The following CDH18 variants were observed in gnomAD, a reference collection of about 807,000 sequenced individuals.
The protein encoded by CDH18 is cadherin-18.
CDH18 carries 31 observed loss-of-function variants against 67.9 expected under a neutral mutation model. That is an observed-to-expected ratio of 0.46 (90% CI 0.34 to 0.62). CDH18 has a LOEUF of 0.62. CDH18 is among the 20% of genes least tolerant of loss of function. The probability of loss-of-function intolerance (pLI) is 0.01; values close to 1 mark genes in which losing one functional copy is unlikely to be tolerated. For synonymous variants in CDH18, 362 were observed against 347.2 expected, an observed-to-expected ratio of 1.04 and a Z score of -0.48; for missense variants, 890 against 975.5, an observed-to-expected ratio of 0.91 and a Z score of 1.17.
At chr5:20,509,516 T>G (rs1054873963) in intron 1 of CDH18, among the ~76,000 whole-genome samples, 4 of 123,330 alleles carry the variant, frequency 3.2e-5, no homozygotes, top group African/African-American at 1.2e-4. Flanking sequence ...TGAGGCAAGA[T>G]TCTCCTGCCT....
At chr5:19,938,341 A>T (rs956198395) in intron 2 of CDH18, among the ~76,000 whole-genome samples, 2 of 151,016 alleles carry the variant, frequency 1.3e-5, no homozygotes, top group Non-Finnish European at 3.0e-5. Context: ...CTGAAACAAC[A>T]AGTTTATTTA....
At chr5:19,495,309 C>G (rs575363264) in intron 11 of CDH18, among the ~76,000 whole-genome samples, 32 of 152,258 alleles carry the variant, frequency 2.1e-4, no homozygotes, top group Admixed American at 1.1e-3. Flanking sequence ...CTCTGAAACT[C>G]CATTTATGTC....
chr5:20,132,755 C>T (rs377728537), intron 2 of CDH18, among the ~76,000 whole-genome samples: 5 of 152,008 alleles, frequency 3.3e-5, no homozygotes, highest in African/African-American at 4.8e-5. Context: ...AAATTCCTCA[C>T]GTTCATCTCT....
At chr5:20,487,714 C>A (rs1163244979) in intron 1 of CDH18, among the ~76,000 whole-genome samples, 1 of 150,888 alleles carries the variant, frequency 6.6e-6, no homozygotes, top group East Asian at 1.9e-4. Context: ...TTAACTGCCA[C>A]AAATTTGTTA....
chr5:19,778,236 A>G (rs1774626027), intron 3 of CDH18, among the ~76,000 whole-genome samples: 1 of 152,196 alleles, frequency 6.6e-6, no homozygotes, highest in Non-Finnish European at 1.5e-5. Flanking sequence ...CATTGAACCT[A>G]CATGATTAAA....
At chr5:20,236,985 T>C (rs1004461591) in intron 2 of CDH18, among the ~76,000 whole-genome samples, 1 of 151,910 alleles carries the variant, frequency 6.6e-6, no homozygotes, top group African/African-American at 2.4e-5. Context: ...GACAGTGCAT[T>C]AAGATAAAGA....
chr5:20,468,866 A>C (rs1403409464), intron 1 of CDH18, among the ~76,000 whole-genome samples: 1 of 152,232 alleles, frequency 6.6e-6, no homozygotes, highest in Non-Finnish European at 1.5e-5. Flanking sequence ...ATAATAACAC[A>C]TATTAGGTAA....
At chr5:20,387,000 T>C (rs1232122613) in intron 1 of CDH18, among the ~76,000 whole-genome samples, 6 of 152,132 alleles carry the variant, frequency 3.9e-5, no homozygotes, top group Non-Finnish European at 7.4e-5. Context: ...AGATACTTAA[T>C]TGGTTTTGCC....
intron 2 of CDH18, among the ~76,000 whole-genome samples, chr5:19,898,735 T>C (rs1789619898): frequency 6.6e-6 from 1 of 152,090 alleles, no homozygotes; most frequent in Admixed American, 6.5e-5. Flanking sequence ...TTTCATGACA[T>C]TGGGCTTGGC....
chr5:19,943,022 A>G (rs1794971593), intron 2 of CDH18, among the ~76,000 whole-genome samples: 1 of 152,032 alleles, frequency 6.6e-6, no homozygotes, highest in Non-Finnish European at 1.5e-5. Flanking sequence ...TGCCTCTTTG[A>G]GCTTAGTTCT....
rs147711371 is a variant in CDH18 at position 19,760,749 on chromosome 5, C to T, written c.229-13513G>A. Among the ~76,000 whole-genome samples the T allele has an allele frequency of 3.6e-4, 55 of 152,206 alleles. No individual in the cohort carries two copies. In the East Asian group the frequency reaches 7.7e-3, roughly 21 times the overall value. ...CTCAACCTCACCTCTAGTGGCCTGC[C>T]GGGACTTTAGTTATAGATTTAGAAG... On this transcript the variant is annotated intron_variant, in intron 3 of 12. Coordinates refer to ENST00000382275, the MANE Select transcript of CDH18 (RefSeq NM_004934.5).
Position 19,721,421 on chromosome 5 carries a change from G to A in CDH18, c.569C>T (p.Thr190Ile), listed in dbSNP as rs752278499. The A allele has an allele frequency of 1.2e-6, 2 of 1,611,416 alleles. No homozygotes were observed. Among genetic ancestry groups the A allele is most frequent in the African/African-American group, 1.3e-5 (1 of 74,872 alleles). Residue 190 changes from threonine to isoleucine, a missense_variant, in exon 5 of 13, where the codon ACC becomes ATC. This residue lies in a region of CDH18 where 234 missense variants were observed against 307.4 expected (regional missense o/e 0.76). Coordinates refer to ENST00000382275, the MANE Select transcript of CDH18 (RefSeq NM_004934.5). ...QVTATDADDP[T>I]YGNSARVVYS... is the part of the protein sequence containing the mutation. ...AACCACCCGAGCGCTGTTTCCATAG[G>A]TAGGGTCATCTGCATCAGTAGCTGT...
At chr5:20,397,340 C>T (rs1480888781) in intron 1 of CDH18, among the ~76,000 whole-genome samples, 2 of 152,012 alleles carry the variant, frequency 1.3e-5, no homozygotes, top group African/African-American at 2.4e-5. Context: ...CCACGCTGGC[C>T]GGGCTGGCCT....
At chr5:19,842,904 A>G (rs1004396686) in intron 2 of CDH18, among the ~76,000 whole-genome samples, 2 of 152,206 alleles carry the variant, frequency 1.3e-5, no homozygotes, top group Non-Finnish European at 2.9e-5. Context: ...GCTATGTTTC[A>G]GCAAAGAGAC....
intron 2 of CDH18, among the ~76,000 whole-genome samples, chr5:20,068,659 C>T (rs1370769416): frequency 2.0e-5 from 3 of 151,720 alleles, no homozygotes; most frequent in Non-Finnish European, 4.4e-5. Context: ...ATAAAGAATA[C>T]CAAAATATTT....
intron 12 of CDH18, among the ~76,000 whole-genome samples, chr5:19,475,275 A>T (rs1237202315): frequency 6.6e-6 from 1 of 151,666 alleles, no homozygotes; most frequent in Non-Finnish European, 1.5e-5. Context: ...AGTTGAAAAT[A>T]TCTTAAATCA....
intron 1 of CDH18, among the ~76,000 whole-genome samples, chr5:20,373,105 C>A (rs759742903): frequency 5.3e-5 from 8 of 152,160 alleles, no homozygotes; most frequent in Non-Finnish European, 1.2e-4. Flanking sequence ...ACTCTCCAAT[C>A]CATTTTGCTC....
intron 6 of CDH18, among the ~76,000 whole-genome samples, chr5:19,607,190 C>T (rs2150088488): frequency 6.6e-6 from 1 of 151,472 alleles, no homozygotes; most frequent in Admixed American, 6.6e-5. Context: ...ATTTACAATT[C>T]CCTTTAGAAA....
intron 2 of CDH18, among the ~76,000 whole-genome samples, chr5:20,130,078 A>G (rs73762494): frequency 1.4e-4 from 20 of 142,136 alleles, no homozygotes; most frequent in East Asian, 1.0e-3. Flanking sequence ...TATTATTGTT[A>G]TTATTATTAT....
Sources: allele counts gnomAD v4.1 joint callset (sites outside exome capture counted in the v4.1 genomes callset), GRCh38; gene constraint gnomAD v4.1.1; regional missense constraint gnomAD v4.1.1; transcripts MANE v1.5; gene names NCBI Gene and HGNC (gene_info 2026-07-23, HGNC 2026-07-21).